Variants in ABI3BP observed in about 807,000 individuals in gnomAD.
The protein encoded by ABI3BP is ABI family member 3 binding protein, also known as target of Nesh-SH3.
A neutral mutation model predicts 268.6 loss-of-function variants in ABI3BP; 216 were observed. The ratio of observed to expected loss-of-function variants is 0.80; its 90% CI spans 0.72 to 0.90. The LOEUF is 0.90. ABI3BP is among the 40% of genes least tolerant of loss of function. ABI3BP has a pLI of 0.00. For synonymous variants in ABI3BP, 730 were observed against 730.0 expected (o/e 1.00, Z 0.00); for missense variants, 2,090 against 2,182.4 (o/e 0.96, Z 0.84).
Position 100,904,218 on chromosome 3 carries a change from T to A in ABI3BP, c.260-1532A>T, listed in dbSNP as rs544598691. Among the ~76,000 whole-genome samples, 165 of 152,290 alleles carry A rather than the reference T, an allele frequency of 1.1e-3. 2 individuals are homozygous for A. The highest frequency in any genetic ancestry group is 3.9e-3 in the African/African-American group (160 of 41,558). On this transcript the variant is annotated intron_variant, in intron 2 of 67. Coordinates refer to ENST00000471714, the MANE Select transcript of ABI3BP (RefSeq NM_001375547.2). Reference sequence around the variant, plus strand: ...TGTAGATGAGATAACTGGGGCAGGGTTGACTTCATGGGCATGTGGCATATA... The same window carrying A: ...TGTAGATGAGATAACTGGGGCAGGGATGACTTCATGGGCATGTGGCATATA...
intron 60 of ABI3BP, among the ~76,000 whole-genome samples, chr3:100,774,941 A>T (rs543296215): frequency 6.6e-6 from 1 of 152,312 alleles, no homozygotes; most frequent in Non-Finnish European, 1.5e-5. Flanking sequence ...GTTGGTAATA[A>T]TGTGATTTAG....
intron 3 of ABI3BP, among the ~76,000 whole-genome samples, chr3:100,899,191 T>C (rs934287305): frequency 6.6e-6 from 1 of 152,220 alleles, no homozygotes; most frequent in African/African-American, 2.4e-5. Flanking sequence ...CTAGTTTTAT[T>C]TTCTTGTGGG....
At chr3:100,948,932 T>C (rs540117329) in intron 1 of ABI3BP, among the ~76,000 whole-genome samples, 41 of 152,200 alleles carry the variant, frequency 2.7e-4, no homozygotes, top group African/African-American at 8.7e-4. Context: ...TTTAAGAGAG[T>C]TGGAAAAGAG....
At position 100,876,567 on chromosome 3, in the gene ABI3BP, AGAG is replaced by A; in HGVS notation, c.697-10_697-8del. 1 of 1,612,782 alleles carries A rather than the reference AGAG, an allele frequency of 6.2e-7. No homozygotes were observed. Among genetic ancestry groups the A allele is most frequent in the Non-Finnish European group, 8.5e-7 (1 of 1,179,238 alleles). ...TCCTTGGGACATATGCTGGCTGCAAAGAGAAGAAGAAAGTCAACTTTTGAGTCA... is the reference window on the plus strand; with the variant it reads ...TCCTTGGGACATATGCTGGCTGCAAAAAGAAGAAAGTCAACTTTTGAGTCA... On this transcript the variant is annotated splice_polypyrimidine_tract_variant and splice_region_variant and intron_variant, in intron 6 of 67. Transcript: ENST00000471714.
At chr3:100,910,029 T>A (rs985122177) in intron 2 of ABI3BP, among the ~76,000 whole-genome samples, 3 of 152,090 alleles carry the variant, frequency 2.0e-5, no homozygotes, top group African/African-American at 7.2e-5. Flanking sequence ...CAAATGCCCA[T>A]CAATGATAGA....
chr3:100,833,016 C>T, intron 30 of ABI3BP, 109 bp downstream of exon 30: 1 of 934,820 alleles, frequency 1.1e-6, no homozygotes, highest in Non-Finnish European at 1.6e-6. Flanking sequence ...GAGATGAATA[C>T]TGTAATGAGA....
chr3:100,953,959 A>T (rs1400071760), intron 1 of ABI3BP, among the ~76,000 whole-genome samples: 1 of 152,156 alleles, frequency 6.6e-6, no homozygotes, highest in Non-Finnish European at 1.5e-5. Flanking sequence ...ATTAATTGTA[A>T]CTATTCTCCC....
rs1443027984 is a variant in ABI3BP, at chr3:100,886,137, C to T, written c.643+5G>A. 6.4e-7 allele frequency: 1 copy of T among 1,565,330 alleles called. No individual in the cohort carries two copies. The highest frequency in any genetic ancestry group is 2.3e-5 in the East Asian group (1 of 43,416). ...TTACTGAAACAAACATTTCTAGGTACTTACTTCCAACAACAGTCTTGTGAT... is the reference window on the plus strand; with the variant it reads ...TTACTGAAACAAACATTTCTAGGTATTTACTTCCAACAACAGTCTTGTGAT... On this transcript the variant is annotated splice_donor_5th_base_variant and intron_variant, in intron 5 of 67. Coordinates refer to ENST00000471714, the MANE Select transcript of ABI3BP (RefSeq NM_001375547.2).
intron 39 of ABI3BP, 36 bp downstream of exon 39, chr3:100,821,015 AAGG>A (rs2098203238): frequency 2.0e-6 from 3 of 1,499,900 alleles, no homozygotes; most frequent in African/African-American, 1.4e-5. Flanking sequence ...TGACGATGAG[AAGG>A]AAGAACACTT....
chr3:100,968,095 G>A (rs1367888609), intron 1 of ABI3BP, among the ~76,000 whole-genome samples: 1 of 152,160 alleles, frequency 6.6e-6, no homozygotes, highest in East Asian at 1.9e-4. Flanking sequence ...AGTTCTAATA[G>A]AACAATCTGG....
chr3:100,829,549 T>C, intron 33 of ABI3BP, 32 bp downstream of exon 33: 1 of 1,518,826 alleles, frequency 6.6e-7, no homozygotes, highest in Non-Finnish European at 8.8e-7. Flanking sequence ...GGTGGGCTGT[T>C]AGGATTCCTC....
At chr3:100,768,881 A>G (rs2096437656) in intron 62 of ABI3BP, among the ~76,000 whole-genome samples, 1 of 152,208 alleles carries the variant, frequency 6.6e-6, no homozygotes, top group Non-Finnish European at 1.5e-5. Context: ...GCTATGGCCA[A>G]TTTTTTGGTG....
chr3:100,847,364 G>C (rs2098781531), intron 19 of ABI3BP, among the ~76,000 whole-genome samples: 1 of 152,150 alleles, frequency 6.6e-6, no homozygotes, highest in Non-Finnish European at 1.5e-5. Context: ...AGCAGCAATG[G>C]TTCAAAAGCT....
At chr3:100,897,512 G>T (rs570991769) in intron 4 of ABI3BP, among the ~76,000 whole-genome samples, 1 of 152,064 alleles carries the variant, frequency 6.6e-6, no homozygotes, top group Non-Finnish European at 1.5e-5. Flanking sequence ...ATTGATATCC[G>T]CAATGTCATG....
At chr3:100,911,656 T>A (rs1423096958) in intron 2 of ABI3BP, 4 of 730,900 alleles carry the variant, frequency 5.5e-6, no homozygotes, top group Non-Finnish European at 1.0e-5. Context: ...GATACAGTTT[T>A]ATAACCTAGT....
Position 100,876,523 on chromosome 3 carries a change from A to T in ABI3BP, c.734T>A (p.Ile245Asn). The T allele has an allele frequency of 6.2e-7, 1 of 1,613,168 alleles. No individual in the cohort carries two copies. The highest frequency in any genetic ancestry group is 8.5e-7 in the Non-Finnish European group (1 of 1,179,394). ...YVPRKLIPIT[I>N]IKQVIQNVTH... Reference sequence around the variant, plus strand: ...AGCAGACAAATTACCTTGCTTGATGATTGTTATTGGGATTAGTTTCCTTGG... The same window carrying T: ...AGCAGACAAATTACCTTGCTTGATGTTTGTTATTGGGATTAGTTTCCTTGG... The change falls in exon 7 of 68, where the codon ATC becomes AAC. Residue 245 changes from isoleucine to asparagine, a missense_variant. Coordinates refer to ENST00000471714, the MANE Select transcript of ABI3BP (RefSeq NM_001375547.2).
chr3:100,951,888 C>T (rs1007971864), intron 1 of ABI3BP, among the ~76,000 whole-genome samples: 1 of 151,866 alleles, frequency 6.6e-6, no homozygotes, highest in Admixed American at 6.6e-5. Flanking sequence ...TAATAGAAGA[C>T]ATTCTTAAGG....
chr3:100,993,173 C>T (rs970149333), intron 1 of ABI3BP, 133 bp downstream of exon 1: 9 of 620,628 alleles, frequency 1.5e-5, no homozygotes, highest in Middle Eastern at 4.6e-4. Flanking sequence ...CCCCTTCACA[C>T]ATTTGAACTT....
intron 54 of ABI3BP, among the ~76,000 whole-genome samples, chr3:100,794,035 G>A (rs1475721753): frequency 6.6e-6 from 1 of 151,930 alleles, no homozygotes; most frequent in Non-Finnish European, 1.5e-5. Context: ...CTTGCCCTGT[G>A]CCTCTTTCCC....
Sources: allele counts gnomAD v4.1 joint callset (sites outside exome capture counted in the v4.1 genomes callset), GRCh38; gene constraint gnomAD v4.1.1; transcripts MANE v1.5; gene names NCBI Gene and HGNC (gene_info 2026-07-23, HGNC 2026-07-21).